Variants in REDIC1 observed in about 807,000 individuals in gnomAD.
REDIC1 encodes HEI10 Interacting Protein 1.
At chr12:39,830,650 A>G in the REDIC1 span, among the ~76,000 whole-genome samples, 1 of 152,132 alleles carries the variant, frequency 6.6e-6, no homozygotes, top group East Asian at 1.9e-4. Flanking sequence ...TACACCATCT[A>G]TTTTAAAAAA....
chr12:39,742,217 T>C, the REDIC1 span, among the ~76,000 whole-genome samples: 1 of 152,184 alleles, frequency 6.6e-6, no homozygotes, highest in Non-Finnish European at 1.5e-5. Flanking sequence ...GTCAGTACAG[T>C]GACTATGAAC....
the REDIC1 span, among the ~76,000 whole-genome samples, chr12:39,769,221 C>T: frequency 6.6e-6 from 1 of 152,090 alleles, no homozygotes; most frequent in Non-Finnish European, 1.5e-5. Context: ...CTTTTGTCAA[C>T]TATTGCCTCA....
the REDIC1 span, among the ~76,000 whole-genome samples, chr12:39,631,640 C>G: frequency 6.6e-6 from 1 of 152,034 alleles, no homozygotes; most frequent in Non-Finnish European, 1.5e-5. Context: ...GGGCTAAATA[C>G]TTATATACAA....
At chr12:39,743,320 C>G in the REDIC1 span, among the ~76,000 whole-genome samples, 1 of 152,090 alleles carries the variant, frequency 6.6e-6, no homozygotes, top group Non-Finnish European at 1.5e-5. Flanking sequence ...GCCAGGGGCA[C>G]CAGCTCACTA....
At chr12:39,711,416 T>C in the REDIC1 span, among the ~76,000 whole-genome samples, 2 of 136,816 alleles carry the variant, frequency 1.5e-5, no homozygotes, top group African/African-American at 2.6e-5. Flanking sequence ...GATGTATATA[T>C]GTACTTATGT....
At chr12:39,764,475 A>G in the REDIC1 span, 14 of 1,596,554 alleles carry the variant, frequency 8.8e-6, no homozygotes, top group Non-Finnish European at 1.2e-5. Flanking sequence ...TATGTAAGAT[A>G]CTCTGCTGTG....
the REDIC1 span, among the ~76,000 whole-genome samples, chr12:39,729,859 T>C: frequency 3.9e-5 from 6 of 152,198 alleles, no homozygotes; most frequent in Non-Finnish European, 7.4e-5. Context: ...TGGGTGCATA[T>C]ATATTTAGGA....
chr12:39,823,648 T>C, the REDIC1 span, among the ~76,000 whole-genome samples: 1 of 152,158 alleles, frequency 6.6e-6, no homozygotes, highest in African/African-American at 2.4e-5. Context: ...GGAGTTCTGC[T>C]ATGTTGCCCA....
At chr12:39,792,848 G>A in the REDIC1 span, among the ~76,000 whole-genome samples, 1 of 150,480 alleles carries the variant, frequency 6.6e-6, no homozygotes, top group Non-Finnish European at 1.5e-5. Context: ...AGTTCAAACC[G>A]ATATTGTTCT....
chr12:39,669,354 G>T, the REDIC1 span, among the ~76,000 whole-genome samples: 2 of 152,204 alleles, frequency 1.3e-5, no homozygotes, highest in Non-Finnish European at 2.9e-5. Flanking sequence ...AGCAGGGGAG[G>T]CTGCAGAACA....
chr12:39,749,651 A>T, the REDIC1 span, among the ~76,000 whole-genome samples: 7 of 152,198 alleles, frequency 4.6e-5, no homozygotes, highest in African/African-American at 1.2e-4. Context: ...TGATGAACAT[A>T]GATGCAAAAA....
At chr12:39,895,895 C>T in the REDIC1 span, among the ~76,000 whole-genome samples, 180 of 15,584 alleles carry the variant, frequency 0.012, 52 homozygotes, top group East Asian at 0.11. Context: ...CGTGTATATG[C>T]ACACACATAT....
chr12:39,781,110 C>T, the REDIC1 span, among the ~76,000 whole-genome samples: 1 of 152,088 alleles, frequency 6.6e-6, no homozygotes, highest in South Asian at 2.1e-4. Context: ...TTACTCACTT[C>T]CTGATTTGTA....
the REDIC1 span, among the ~76,000 whole-genome samples, chr12:39,674,009 TTATC>T: frequency 2.0e-5 from 3 of 152,212 alleles, no homozygotes; most frequent in African/African-American, 4.8e-5. Flanking sequence ...AATTTTATAT[TTATC>T]TATAGGAAAA....
At chr12:39,640,628 T>G in the REDIC1 span, among the ~76,000 whole-genome samples, 4 of 152,080 alleles carry the variant, frequency 2.6e-5, no homozygotes, top group African/African-American at 9.6e-5. Flanking sequence ...AGAATATTGC[T>G]ATCAGATAAG....
the REDIC1 span, among the ~76,000 whole-genome samples, chr12:39,844,807 T>C: frequency 2.6e-5 from 4 of 152,128 alleles, no homozygotes; most frequent in East Asian, 7.7e-4. Flanking sequence ...GATAAAGAAA[T>C]ACCTAAAGAA....
the REDIC1 span, among the ~76,000 whole-genome samples, chr12:39,882,501 G>A: frequency 0.034 from 5,225 of 152,146 alleles, 238 homozygotes; most frequent in East Asian, 0.24. Context: ...AAAGGGTCTC[G>A]AGAAAAACAA....
At chr12:39,666,841 A>G in the REDIC1 span, among the ~76,000 whole-genome samples, 4 of 152,150 alleles carry the variant, frequency 2.6e-5, no homozygotes, top group South Asian at 4.1e-4. Flanking sequence ...TAGATTTTCT[A>G]GTTTATTTGC....
chr12:39,728,105 A>G, the REDIC1 span, among the ~76,000 whole-genome samples: 1 of 152,170 alleles, frequency 6.6e-6, no homozygotes, highest in South Asian at 2.1e-4. Context: ...GCAAACAGAG[A>G]CAATTTGACT....
Sources: allele counts gnomAD v4.1 joint callset (sites outside exome capture counted in the v4.1 genomes callset), GRCh38; gene constraint gnomAD v4.1.1; transcripts MANE v1.5; gene names NCBI Gene and HGNC (gene_info 2026-07-23, HGNC 2026-07-21).